Variants in ACSBG2 observed in about 807,000 individuals in gnomAD.
ACSBG2 encodes long-chain-fatty-acid--CoA ligase ACSBG2.
Under a neutral mutation model 74.7 loss-of-function variants are expected in ACSBG2, and 62 were observed. The ratio of observed to expected loss-of-function variants is 0.83; its 90% CI spans 0.68 to 1.03. The LOEUF (loss-of-function observed/expected upper bound fraction) is 1.03. Among genes scored for constraint, ACSBG2 ranks in the 50% least tolerant of loss-of-function variants. The pLI is 0.00. For synonymous variants in ACSBG2, 309 were observed against 294.1 expected (o/e 1.05, Z -0.52); for missense variants, 730 against 817.6 (o/e 0.89, Z 1.31).
intron 5 of ACSBG2, among the ~76,000 whole-genome samples, chr19:6,158,229 G>T (rs1211042292): frequency 6.6e-6 from 1 of 151,494 alleles, no homozygotes; most frequent in African/African-American, 2.4e-5. Context: ...CTAATTTTTT[G>T]TATTTTTTTA....
chr19:6,183,584 A>T (rs2090322876), intron 10 of ACSBG2, among the ~76,000 whole-genome samples: 1 of 151,920 alleles, frequency 6.6e-6, no homozygotes, highest in Non-Finnish European at 1.5e-5. Flanking sequence ...CCATCTCAAA[A>T]CACCTCCATG....
intron 4 of ACSBG2, among the ~76,000 whole-genome samples, chr19:6,155,550 G>A (rs951193713): frequency 2.6e-5 from 4 of 152,246 alleles, no homozygotes. Flanking sequence ...AGCACTTTGG[G>A]AGGCAGGGGT....
chr19:6,159,762 C>G (rs990413102), intron 5 of ACSBG2, among the ~76,000 whole-genome samples: 1 of 152,130 alleles, frequency 6.6e-6, no homozygotes, highest in Non-Finnish European at 1.5e-5. Flanking sequence ...TCTTTGCCTC[C>G]AAGGCTCCGC....
chr19:6,162,566 C>CAAAAAAA (rs58138677), intron 6 of ACSBG2, among the ~76,000 whole-genome samples: 1 of 84,202 alleles, frequency 1.2e-5, no homozygotes, highest in Non-Finnish European at 2.3e-5. Context: ...GACTCCGTCT[C>CAAAAAAA]AAAAAAAAAA....
chr19:6,166,280 T>TTGTATGTGTG (rs2089801225), intron 7 of ACSBG2, among the ~76,000 whole-genome samples: 1 of 119,096 alleles, frequency 8.4e-6, no homozygotes, highest in Admixed American at 8.0e-5. Flanking sequence ...GTCAGGAAGG[T>TTGTATGTGTG]TGTGTGTGTG....
chr19:6,172,156 A>G (rs1185316214), intron 7 of ACSBG2, among the ~76,000 whole-genome samples: 1 of 151,950 alleles, frequency 6.6e-6, no homozygotes, highest in Non-Finnish European at 1.5e-5. Context: ...TTTCCTTCCA[A>G]TTCATATTTT....
chr19:6,145,656 C>T (rs1419072283), intron 2 of ACSBG2, among the ~76,000 whole-genome samples: 1 of 152,084 alleles, frequency 6.6e-6, no homozygotes, highest in Non-Finnish European at 1.5e-5. Flanking sequence ...ACAACTGTCT[C>T]CAGAGGAAAC....
At chr19:6,153,447 G>A (rs1337754819) in intron 4 of ACSBG2, among the ~76,000 whole-genome samples, 1 of 151,972 alleles carries the variant, frequency 6.6e-6, no homozygotes, top group East Asian at 1.9e-4. Flanking sequence ...ATCATGCTGT[G>A]GTTGGATAAA....
chr19:6,176,765 CTTGGTGT>C (rs1436441060), intron 7 of ACSBG2, among the ~76,000 whole-genome samples: 1 of 152,058 alleles, frequency 6.6e-6, no homozygotes, highest in East Asian at 1.9e-4. Flanking sequence ...GATTAAATGA[CTTGGTGT>C]TTGTAAAGTA....
chr19:6,173,393 C>T (rs1440021408), intron 7 of ACSBG2, among the ~76,000 whole-genome samples: 1 of 152,208 alleles, frequency 6.6e-6, no homozygotes, highest in African/African-American at 2.4e-5. Context: ...CCTGTGTGAA[C>T]TGACCACCTG....
chr19:6,157,587 AT>A (rs879562221), intron 5 of ACSBG2, among the ~76,000 whole-genome samples: 59 of 147,090 alleles, frequency 4.0e-4, no homozygotes, highest in African/African-American at 1.3e-3. Flanking sequence ...AACAAAAACC[AT>A]TTTTTTTTTG....
At chr19:6,147,367 A>G in intron 2 of ACSBG2, 79 bp from the exon 3 acceptor site, 1 of 1,254,096 alleles carries the variant, frequency 8.0e-7, no homozygotes, top group Non-Finnish European at 1.1e-6. Context: ...TTAGGTCCAA[A>G]AAGACACCAA....
At chr19:6,189,621 T>A (rs750169820) in intron 13 of ACSBG2, 6 of 152,160 alleles carry the variant, frequency 3.9e-5, no homozygotes, top group Admixed American at 6.6e-5. Context: ...AGCCTTGAAC[T>A]CCCAGGCTCA....
chr19:6,138,508 GGAAAGAGGAAGGA>G (rs2088670168), intron 1 of ACSBG2, among the ~76,000 whole-genome samples: 1 of 128,224 alleles, frequency 7.8e-6, no homozygotes, highest in African/African-American at 2.9e-5. Flanking sequence ...AGGGAGGGAG[GGAAAGAGGAAGGA>G]GGAAAAGGAA....
chr19:6,147,688 C>A lies in ACSBG2; in HGVS notation c.297+13C>A, dbSNP rs1032870024. 1 of 1,603,514 alleles carries A rather than the reference C, an allele frequency of 6.2e-7. No individual in the cohort carries two copies. The highest frequency in any genetic ancestry group is 1.3e-5 in the African/African-American group (1 of 74,804). On this transcript the variant is annotated intron_variant, in intron 3 of 14. Transcript: ENST00000588485. ...ATCCTTGATCAAGGTAAGATTCATT[C>A]ATTCATTCTCCTTTGTTCAACCATT...
chr19:6,143,883 T>A (rs1459909089), intron 2 of ACSBG2, among the ~76,000 whole-genome samples: 3 of 152,226 alleles, frequency 2.0e-5, no homozygotes, highest in Non-Finnish European at 4.4e-5. Flanking sequence ...AATTCCTTTG[T>A]GGAAGTCCTA....
At chr19:6,158,096 C>T (rs1480799404) in intron 5 of ACSBG2, among the ~76,000 whole-genome samples, 1 of 150,966 alleles carries the variant, frequency 6.6e-6, no homozygotes, top group Non-Finnish European at 1.5e-5. Flanking sequence ...CGCTCTGTCG[C>T]CCAGGTTGGA....
intron 6 of ACSBG2, among the ~76,000 whole-genome samples, chr19:6,163,099 A>G (rs1409999591): frequency 2.7e-5 from 4 of 147,700 alleles, no homozygotes. Flanking sequence ...ACATGGAGAA[A>G]CCCTGTCTCT....
chr19:6,138,797 G>C (rs2088703349), intron 1 of ACSBG2, among the ~76,000 whole-genome samples: 1 of 151,146 alleles, frequency 6.6e-6, no homozygotes, highest in Non-Finnish European at 1.5e-5. Context: ...AGAAAGGAGG[G>C]AAGAAAGGGA....
Sources: gnomAD v4.1 joint callset for allele counts (sites outside exome capture counted in the v4.1 genomes callset) on GRCh38, gnomAD v4.1.1 for gene constraint, MANE v1.5 for transcripts, NCBI Gene and HGNC (gene_info 2026-07-23, HGNC 2026-07-21) for gene names.